Variants in RYR3 observed in about 807,000 individuals in gnomAD.
The protein encoded by RYR3 is brain ryanodine receptor-calcium release channel.
In RYR3, 207 loss-of-function variants were observed where a neutral mutation model predicts 584.3. The observed-to-expected ratio is 0.35, with a 90% CI of 0.32 to 0.40. RYR3 has a LOEUF of 0.40. Among genes scored for constraint, RYR3 ranks in the 10% least tolerant of loss-of-function variants. RYR3 has a pLI of 1.00. For missense variants in RYR3, 5,616 were observed against 6,089.2 expected (o/e 0.92, Z 2.59); for synonymous variants, 2,416 against 2,248.5 (o/e 1.07, Z -2.11).
intron 1 of RYR3, among the ~76,000 whole-genome samples, chr15:33,322,400 A>G (rs541701891): frequency 2.6e-4 from 39 of 152,264 alleles, no homozygotes; most frequent in East Asian, 1.4e-3. Context: ...TTAAACGACT[A>G]GATTTCACAA....
At chr15:33,776,456 T>A (rs2073998601) in intron 64 of RYR3, among the ~76,000 whole-genome samples, 1 of 152,228 alleles carries the variant, frequency 6.6e-6, no homozygotes, top group African/African-American at 2.4e-5. Context: ...CTTGGTAACG[T>A]TAAACACTGG....
At chr15:33,808,270 A>C (rs957797018) in intron 70 of RYR3, among the ~76,000 whole-genome samples, 1 of 152,194 alleles carries the variant, frequency 6.6e-6, no homozygotes, top group Non-Finnish European at 1.5e-5. Context: ...TCTTGGAAAA[A>C]TTGCTTAACT....
chr15:33,651,825 T>C (rs191237921), intron 31 of RYR3, among the ~76,000 whole-genome samples: 13 of 152,296 alleles, frequency 8.5e-5, no homozygotes, highest in African/African-American at 1.9e-4. Context: ...AGTCATGTCA[T>C]GTCACTTCAA....
At chr15:33,671,805 C>CTTTTTTTTTTTTTTTTTTTTTTTTTTTT (rs56206846) in intron 38 of RYR3, among the ~76,000 whole-genome samples, 1 of 80,312 alleles carries the variant, frequency 1.2e-5, no homozygotes, top group Non-Finnish European at 2.3e-5. Flanking sequence ...CCTTCTTTTT[C>CTTTTTTTTTTTTTTTTTTTTTTTTTTTT]TTTTTTTTTT....
chr15:33,806,080 G>A (rs1045461367), intron 69 of RYR3, among the ~76,000 whole-genome samples: 7 of 151,954 alleles, frequency 4.6e-5, no homozygotes, highest in African/African-American at 1.7e-4. Context: ...GTCTAATGTT[G>A]GGTTGACTTG....
chr15:33,842,595 G>A (rs2078440578), intron 91 of RYR3, among the ~76,000 whole-genome samples: 1 of 152,196 alleles, frequency 6.6e-6, no homozygotes, highest in African/African-American at 2.4e-5. Context: ...GATTGGGAAC[G>A]TTACCCAGGC....
chr15:33,605,677 C>T (rs767728394), intron 18 of RYR3, among the ~76,000 whole-genome samples: 9 of 152,148 alleles, frequency 5.9e-5, no homozygotes, highest in South Asian at 2.1e-4. Context: ...ACTTCTCCAA[C>T]GAGCACACAG....
At chr15:33,327,226 G>A (rs1011533099) in intron 1 of RYR3, among the ~76,000 whole-genome samples, 1 of 152,224 alleles carries the variant, frequency 6.6e-6, no homozygotes, top group Non-Finnish European at 1.5e-5. Flanking sequence ...GCACTGGAGG[G>A]CTATAGTCTT....
At chr15:33,807,861 G>A in intron 70 of RYR3, 1 of 455,834 alleles carries the variant, frequency 2.2e-6, no homozygotes, top group East Asian at 3.8e-5. Flanking sequence ...CACACTAACA[G>A]AGATAGGGAT....
At position 33,669,391 on chromosome 15, in the gene RYR3, G is replaced by T. The variant is rs1424943207; in HGVS notation, c.5657G>T (p.Cys1886Phe). Residue 1886 changes from cysteine (C) to phenylalanine (F), a missense_variant, in exon 37 of 104, where the codon TGC (cysteine) becomes TTC (phenylalanine). Around this residue, in one of 9 missense-constraint regions of RYR3, gnomAD observed 1,280 missense variants for 1,426.2 expected, o/e 0.90. Coordinates refer to ENST00000634891, the MANE Select transcript of RYR3 (RefSeq NM_001036.6). ...CTTAACTTTCAACTGGGAGAGAACTGCCCCTGCCCAGAGGAGATTCGGGAG... is the reference window on the plus strand; with the variant it reads ...CTTAACTTTCAACTGGGAGAGAACTTCCCCTGCCCAGAGGAGATTCGGGAG... ...MLLNFQLGENCPCPEEIREEL... is the reference protein window; with the variant it reads ...MLLNFQLGENFPCPEEIREEL... 6.2e-7 allele frequency: 1 copy of T among 1,613,968 alleles called. No individual in the cohort carries two copies. Among genetic ancestry groups the T allele is most frequent in the Middle Eastern group, 1.6e-4 (1 of 6,062 alleles).
chr15:33,731,558 C>T lies in RYR3; in HGVS notation c.7288C>T (p.Pro2430Ser), dbSNP rs1310537318. Residue 2430 changes from proline to serine, a missense_variant, in exon 48 of 104, where the codon CCT becomes TCT. Physicochemically the swap from Pro to Ser is moderately conservative, Grantham distance 74. This residue lies in a region of RYR3 where 1,280 missense variants were observed against 1,426.2 expected (regional missense o/e 0.90). Transcript: ENST00000634891. The part of the protein sequence containing the change: ...AVLPLLTRCA[P>S]LFAGTEHCTS... ...GCTCCCGCTCCTCACAAGATGTGCC[C>T]CTCTCTTTGCCGGAACAGAACACTG... 4 of 1,613,848 alleles carry T rather than the reference C, an allele frequency of 2.5e-6. No individual in the cohort carries two copies. In the East Asian group the frequency reaches 6.7e-5, roughly 27 times the overall value.
intron 47 of RYR3, among the ~76,000 whole-genome samples, chr15:33,730,113 A>ATAAATAATTATTTG: frequency 6.6e-6 from 1 of 151,286 alleles, no homozygotes; most frequent in African/African-American, 2.4e-5. Flanking sequence ...ATGAATAATT[A>ATAAATAATTATTTG]TGAATAATTA....
At chr15:33,677,197 G>A (rs1391735662) in intron 38 of RYR3, among the ~76,000 whole-genome samples, 1 of 152,206 alleles carries the variant, frequency 6.6e-6, no homozygotes, top group African/African-American at 2.4e-5. Flanking sequence ...AGAGCACCGG[G>A]CAGGGATGCC....
intron 17 of RYR3, 95 bp from the exon 18 acceptor site, chr15:33,603,028 C>T (rs994727032): frequency 6.8e-5 from 88 of 1,287,200 alleles, no homozygotes; most frequent in Admixed American, 1.7e-4. Context: ...TCTTGTCCTA[C>T]GTGTAAATGG....
chr15:33,563,342 G>A (rs1455254183), intron 11 of RYR3, among the ~76,000 whole-genome samples: 1 of 152,176 alleles, frequency 6.6e-6, no homozygotes, highest in Non-Finnish European at 1.5e-5. Flanking sequence ...CATTTCAGTG[G>A]ATAATTGAGT....
intron 18 of RYR3, among the ~76,000 whole-genome samples, chr15:33,607,215 C>T (rs145528033): frequency 9.8e-5 from 15 of 152,330 alleles, no homozygotes; most frequent in Middle Eastern, 3.4e-3. Context: ...TGTGCAAGTG[C>T]TGAGCATCGC....
intron 2 of RYR3, among the ~76,000 whole-genome samples, chr15:33,490,296 G>T (rs1434473039): frequency 1.3e-5 from 2 of 152,190 alleles, no homozygotes; most frequent in Non-Finnish European, 1.5e-5. Context: ...TCAAACAGCT[G>T]CCTTTGGGCC....
chr15:33,425,063 C>T (rs2044508890), intron 1 of RYR3, among the ~76,000 whole-genome samples: 1 of 152,214 alleles, frequency 6.6e-6, no homozygotes, highest in Non-Finnish European at 1.5e-5. Context: ...ACTTACCTGT[C>T]CTTTCATGTG....
intron 1 of RYR3, among the ~76,000 whole-genome samples, chr15:33,435,151 AG>A (rs2045552852): frequency 6.6e-6 from 1 of 150,894 alleles, no homozygotes. Flanking sequence ...GTACATGTGC[AG>A]GTTTGTTATT....
Sources: allele counts gnomAD v4.1 joint callset (sites outside exome capture counted in the v4.1 genomes callset), GRCh38; gene constraint gnomAD v4.1.1; regional missense constraint gnomAD v4.1.1; transcripts MANE v1.5; gene names NCBI Gene and HGNC (gene_info 2026-07-23, HGNC 2026-07-21).